The following TNIK variants were observed in gnomAD, a reference collection of about 807,000 sequenced individuals.
The protein encoded by TNIK is TRAF2 and NCK interacting kinase.
In TNIK, 49 loss-of-function variants were observed where a neutral mutation model predicts 191.3. That is an observed-to-expected ratio of 0.26 (90% CI 0.20 to 0.32). The LOEUF is 0.32. Among genes scored for constraint, TNIK ranks in the 10% least tolerant of loss-of-function variants. The pLI is 1.00. For synonymous variants in TNIK, 594 were observed against 600.9 expected (o/e 0.99, Z 0.17); for missense variants, 1,155 against 1,702.3 (o/e 0.68, Z 5.66).
chr3:171,198,634 G>A (rs985760421), intron 4 of TNIK, among the ~76,000 whole-genome samples: 2 of 152,144 alleles, frequency 1.3e-5, no homozygotes, highest in Admixed American at 6.5e-5. Context: ...TGTGGATGGG[G>A]TGGAACTGGC....
chr3:171,132,815 C>T lies in TNIK; in HGVS notation c.1609-3937G>A, dbSNP rs532887440. On this transcript the variant is annotated intron_variant, in intron 15 of 32. Transcript: ENST00000436636. ...AATATTTTATAATATGTAGAGTCCA[C>T]GGGGTTTAGGAAGGTCTCAGAAGGC... Among the ~76,000 whole-genome samples the T allele has an allele frequency of 3.9e-5, 6 of 152,218 alleles. No homozygotes were observed. In the South Asian group the frequency reaches 1.0e-3, roughly 26 times the overall value.
At position 171,319,142 on chromosome 3, in the gene TNIK, G is replaced by A. The variant is rs376527213; in HGVS notation, c.123+50478C>T. Among the ~76,000 whole-genome samples, 7 of 152,182 alleles carry A rather than the reference G, an allele frequency of 4.6e-5. No homozygotes were observed. In the East Asian group the frequency reaches 7.7e-4, roughly 17 times the overall value. Reference sequence around the variant, plus strand: ...TGCCGTGAGCTTTGATCCTGCTACTGTACTCTAGCCTGGGTGACAGAGGAA... The same window carrying A: ...TGCCGTGAGCTTTGATCCTGCTACTATACTCTAGCCTGGGTGACAGAGGAA... On this transcript the variant is annotated intron_variant, in intron 2 of 32. Coordinates refer to ENST00000436636, the MANE Select transcript of TNIK (RefSeq NM_015028.4).
intron 5 of TNIK, 93 bp from the exon 6 acceptor site, chr3:171,190,880 C>G: frequency 2.4e-6 from 2 of 817,894 alleles, no homozygotes; most frequent in Admixed American, 2.5e-5. Flanking sequence ...AAACTTTACA[C>G]TCACCCAGAC....
chr3:171,070,827 G>A (rs1037927986), intron 29 of TNIK, among the ~76,000 whole-genome samples: 9 of 152,328 alleles, frequency 5.9e-5, no homozygotes, highest in East Asian at 1.9e-4. Context: ...AGGATTAAAA[G>A]AGACTCAGTT....
At chr3:171,379,351 C>T (rs1393777449) in intron 1 of TNIK, among the ~76,000 whole-genome samples, 2 of 152,100 alleles carry the variant, frequency 1.3e-5, no homozygotes, top group South Asian at 4.1e-4. Context: ...AAAAAGAGAA[C>T]AATCCAAGGA....
In TNIK at chr3:171,347,220, TG is replaced by T. The variant is rs1288893774; in HGVS notation, c.123+22399del. 5.8e-6 allele frequency: 8 copies of T among 1,381,716 alleles called. No homozygotes were observed. In the East Asian group the frequency reaches 1.4e-4, roughly 24 times the overall value. 85.6% of individuals were successfully genotyped at this position (1,381,716 alleles called of 1,614,324 possible). A position where few individuals can be genotyped will look rare whatever the true frequency, so the allele number is the denominator to read the frequency against. On this transcript the variant is annotated intron_variant, in intron 2 of 32. Coordinates refer to ENST00000436636, the MANE Select transcript of TNIK (RefSeq NM_015028.4). ...GCCCTTCACTCACTGGTTCATTTGC[TG>T]AAAAAAAAAAAAAAAGAAAAGAAAA...
At chr3:171,070,144 T>A (rs1560068297) in intron 29 of TNIK, among the ~76,000 whole-genome samples, 2 of 152,174 alleles carry the variant, frequency 1.3e-5, no homozygotes, top group Non-Finnish European at 1.5e-5. Context: ...CTTTTAGGAG[T>A]TATCCCTTGT....
intron 22 of TNIK, among the ~76,000 whole-genome samples, chr3:171,099,922 A>ATGTT (rs1560106798): frequency 6.6e-6 from 1 of 152,166 alleles, no homozygotes; most frequent in Admixed American, 6.6e-5. Flanking sequence ...GTTCCTCCAA[A>ATGTT]TGTTTATATT....
intron 2 of TNIK, among the ~76,000 whole-genome samples, chr3:171,263,991 C>G (rs1472669478): frequency 6.6e-6 from 1 of 150,474 alleles, no homozygotes; most frequent in Non-Finnish European, 1.5e-5. Flanking sequence ...AGGCATGCTA[C>G]GGAGTTTGTG....
intron 16 of TNIK, among the ~76,000 whole-genome samples, chr3:171,126,603 C>T (rs1353572228): frequency 6.6e-6 from 1 of 152,174 alleles, no homozygotes; most frequent in East Asian, 1.9e-4. Flanking sequence ...GAGGTGGATA[C>T]AGTCATTTCC....
At chr3:171,329,609 AAAG>A (rs535807564) in intron 2 of TNIK, among the ~76,000 whole-genome samples, 80 of 152,330 alleles carry the variant, frequency 5.3e-4, no homozygotes, top group Non-Finnish European at 9.6e-4. Flanking sequence ...CTGATATTCT[AAAG>A]AAGTAGATGG....
intron 18 of TNIK, among the ~76,000 whole-genome samples, chr3:171,116,157 G>A (rs141787908): frequency 6.6e-6 from 1 of 152,314 alleles, no homozygotes; most frequent in African/African-American, 2.4e-5. Flanking sequence ...TAAAACATGA[G>A]TAGTTTGAGA....
chr3:171,388,376 C>T (rs2108539112), intron 1 of TNIK, among the ~76,000 whole-genome samples: 1 of 152,262 alleles, frequency 6.6e-6, no homozygotes, highest in African/African-American at 2.4e-5. Flanking sequence ...AGAAGTAATA[C>T]AAAGAACACT....
Position 171,282,334 on chromosome 3 carries a change from G to GTTTTTTTTTTTTT in TNIK, c.124-54114_124-54113insAAAAAAAAAAAAA, listed in dbSNP as rs201489240. On this transcript the variant is annotated intron_variant, in intron 2 of 32. Transcript: ENST00000436636. ...GAACTATCTGCAGATTCTCTTAATG[G>GTTTTTTTTTTTTT]TTTTTTGTTTTTTTTTTTTTTTTTG... is the stretch of plus-strand genomic sequence containing the variant. 1.2e-3 allele frequency among the ~76,000 whole-genome samples: 133 copies of GTTTTTTTTTTTTT among 114,490 alleles called. 5 individuals are homozygous for GTTTTTTTTTTTTT. Among genetic ancestry groups the GTTTTTTTTTTTTT allele is most frequent in the Middle Eastern group, 9.6e-3 (2 of 208 alleles). 75.1% of individuals were successfully genotyped at this position (114,490 alleles called of 152,430 possible).
At chr3:171,404,636 T>A (rs1172353203) in intron 1 of TNIK, among the ~76,000 whole-genome samples, 2 of 152,196 alleles carry the variant, frequency 1.3e-5, no homozygotes, top group Non-Finnish European at 2.9e-5. Context: ...TAATTTTTTT[T>A]AAGTTCTTAT....
At chr3:171,166,787 A>G (rs143541284) in intron 10 of TNIK, among the ~76,000 whole-genome samples, 2 of 152,376 alleles carry the variant, frequency 1.3e-5, no homozygotes, top group East Asian at 1.9e-4. Flanking sequence ...TCTTCTAAAC[A>G]TGAATATTAA....
chr3:171,084,147 C>T lies in TNIK; in HGVS notation c.3169+8G>A. ...TTAAAAAAAAAAAAAAAAAAAGCACCAACATACCCCACAGAGCTGCACAAA... is the reference window on the plus strand; with the variant it reads ...TTAAAAAAAAAAAAAAAAAAAGCACTAACATACCCCACAGAGCTGCACAAA... On this transcript the variant is annotated splice_region_variant and intron_variant, in intron 26 of 32. Coordinates refer to ENST00000436636, the MANE Select transcript of TNIK (RefSeq NM_015028.4). 6.6e-7 allele frequency: 1 copy of T among 1,519,816 alleles called. No individual in the cohort carries two copies. The highest frequency in any genetic ancestry group is 8.8e-7 in the Non-Finnish European group (1 of 1,138,520). 94.1% of individuals were successfully genotyped at this position (1,519,816 alleles called of 1,614,324 possible). A position where few individuals can be genotyped will look rare whatever the true frequency, so the allele number is the denominator to read the frequency against.
chr3:171,443,552 G>A (rs2108697781), intron 1 of TNIK, among the ~76,000 whole-genome samples: 1 of 152,104 alleles, frequency 6.6e-6, no homozygotes, highest in South Asian at 2.1e-4. Flanking sequence ...GCTTGAACAG[G>A]GCCCAGCACA....
At chr3:171,454,815 C>T (rs1728602371) in intron 1 of TNIK, among the ~76,000 whole-genome samples, 1 of 152,150 alleles carries the variant, frequency 6.6e-6, no homozygotes, top group African/African-American at 2.4e-5. Context: ...TTTCTTTGAG[C>T]CCCATGAGAC....
Sources: allele counts gnomAD v4.1 joint callset (sites outside exome capture counted in the v4.1 genomes callset), GRCh38; gene constraint gnomAD v4.1.1; transcripts MANE v1.5; gene names NCBI Gene and HGNC (gene_info 2026-07-23, HGNC 2026-07-21).